Variants in QSOX2 observed in about 807,000 individuals in gnomAD.
QSOX2 encodes sulfhydryl oxidase 2.
QSOX2 carries 46 observed loss-of-function variants against 61.7 expected under a neutral mutation model. The observed-to-expected ratio is 0.75, with a 90% CI of 0.59 to 0.95. The LOEUF (loss-of-function observed/expected upper bound fraction) is 0.95, where lower values mean the gene tolerates loss of function less well. QSOX2 is among the 40% of genes least tolerant of loss of function. The pLI is 0.00. For missense variants in QSOX2, 879 were observed against 918.9 expected, an observed-to-expected ratio of 0.96 and a Z score of 0.56; for synonymous variants, 383 against 388.4, an observed-to-expected ratio of 0.99 and a Z score of 0.16.
chr9:136,220,935 T>C (rs950962885), intron 6 of QSOX2, among the ~76,000 whole-genome samples: 1 of 152,222 alleles, frequency 6.6e-6, no homozygotes, highest in Non-Finnish European at 1.5e-5. Flanking sequence ...CTGGAACTCC[T>C]AGACTCAAAT....
chr9:136,216,220 C>T (rs1831910911), intron 9 of QSOX2, among the ~76,000 whole-genome samples: 2 of 152,232 alleles, frequency 1.3e-5, no homozygotes, highest in South Asian at 4.1e-4. Context: ...CAAAGACTGG[C>T]ACCTGCTGGC....
chr9:136,220,659 C>T (rs1831970052), intron 6 of QSOX2, among the ~76,000 whole-genome samples: 3 of 152,200 alleles, frequency 2.0e-5, no homozygotes, highest in Non-Finnish European at 4.4e-5. Flanking sequence ...TGAGGAGGAG[C>T]GGGGCCCCTC....
chr9:136,233,955 C>T (rs181425686), intron 1 of QSOX2, among the ~76,000 whole-genome samples: 2 of 152,368 alleles, frequency 1.3e-5, no homozygotes, highest in Admixed American at 6.5e-5. Context: ...GAAGGCACAA[C>T]GTACCTCCAT....
chr9:136,224,414 C>T (rs1830259942), intron 3 of QSOX2, among the ~76,000 whole-genome samples: 1 of 152,146 alleles, frequency 6.6e-6, no homozygotes, highest in Non-Finnish European at 1.5e-5. Context: ...GGCGGCTCCA[C>T]TGGGTCACTC....
In QSOX2 at chr9:136,209,510, A is replaced by G; in HGVS notation, c.1550-235T>C. ...CGTGTTCCCCTCTGCCGGTTCCCAT[A>G]GCCTGCAAGTGAGGAGACGCTACAC... is the stretch of plus-strand genomic sequence containing the variant. On this transcript the variant is annotated intron_variant, in intron 11 of 11. Coordinates refer to ENST00000358701, the MANE Select transcript of QSOX2 (RefSeq NM_181701.4). The surrounding 1 kb of genome is among the most constrained non-coding windows in gnomAD (Gnocchi z 5.6). The G allele has an allele frequency of 1.0e-6, 1 of 985,288 alleles. No individual in the cohort carries two copies. 61.0% of individuals were successfully genotyped at this position (985,288 alleles called of 1,614,324 possible). A position where few individuals can be genotyped will look rare whatever the true frequency, so the allele number is the denominator to read the frequency against.
intron 1 of QSOX2, among the ~76,000 whole-genome samples, chr9:136,244,611 C>T (rs1049619620): frequency 2.0e-5 from 3 of 152,188 alleles, no homozygotes; most frequent in Non-Finnish European, 4.4e-5. Context: ...GGAGGACCTC[C>T]TACTTCAGTG....
chr9:136,220,309 G>A lies in QSOX2; in HGVS notation c.822-1145C>T, dbSNP rs980818885. 2.0e-5 allele frequency among the ~76,000 whole-genome samples: 3 copies of A among 152,250 alleles called. No homozygotes were observed. In the South Asian group the frequency reaches 6.2e-4, roughly 31 times the overall value. On this transcript the variant is annotated intron_variant, in intron 6 of 11. Coordinates refer to ENST00000358701, the MANE Select transcript of QSOX2 (RefSeq NM_181701.4). ...CTCTGAAAGTGCTGGGATTACAGGT[G>A]TGAGCCTGGCCTCTTTTTCAAAAGG...
chr9:136,239,403 C>T (rs984956045), intron 1 of QSOX2, among the ~76,000 whole-genome samples: 1 of 152,182 alleles, frequency 6.6e-6, no homozygotes, highest in African/African-American at 2.4e-5. Context: ...TCCAAAGTAC[C>T]GGGATTACAG....
chr9:136,212,047 C>T (rs996215936), intron 10 of QSOX2, among the ~76,000 whole-genome samples: 16 of 152,252 alleles, frequency 1.1e-4, no homozygotes, highest in Admixed American at 1.0e-3. Context: ...TGGGCAGGCA[C>T]AGGGACGGGT....
chr9:136,235,517 G>A (rs184526443), intron 1 of QSOX2, among the ~76,000 whole-genome samples: 22 of 152,346 alleles, frequency 1.4e-4, no homozygotes, highest in Non-Finnish European at 2.2e-4. Flanking sequence ...GGCTCGGGCC[G>A]GTTCACAAGA....
chr9:136,242,460 G>A (rs1242155157), intron 1 of QSOX2, among the ~76,000 whole-genome samples: 2 of 152,262 alleles, frequency 1.3e-5, no homozygotes, highest in African/African-American at 2.4e-5. Context: ...CATGGCCTGT[G>A]TGCCCCCAGG....
At chr9:136,216,013 G>C (rs540623070) in intron 9 of QSOX2, among the ~76,000 whole-genome samples, 16 of 152,180 alleles carry the variant, frequency 1.1e-4, no homozygotes, top group Admixed American at 2.6e-4. Context: ...GCAAAATCAC[G>C]GCACGACAAG....
At chr9:136,211,189 G>C in intron 11 of QSOX2, 75 bp downstream of exon 11, 1 of 1,481,030 alleles carries the variant, frequency 6.8e-7, no homozygotes. Flanking sequence ...CACGGCAGCC[G>C]TGCCGTCCTT....
chr9:136,228,515 C>A (rs1830303021), intron 1 of QSOX2, among the ~76,000 whole-genome samples: 1 of 152,238 alleles, frequency 6.6e-6, no homozygotes, highest in African/African-American at 2.4e-5. Context: ...CTGTAGGGGT[C>A]CTTCCAGGCC....
chr9:136,237,560 G>GTCCTGTGCCACACCTGGAGCCCA (rs1830398034), intron 1 of QSOX2, among the ~76,000 whole-genome samples: 1 of 126,692 alleles, frequency 7.9e-6, no homozygotes, highest in Admixed American at 8.1e-5. Context: ...CCTGGAGCCC[G>GTCCTGTGCCACACCTGGAGCCCA]TCCTGTGGCG....
chr9:136,210,150 G>C (rs1831828047), intron 11 of QSOX2: 10 of 985,486 alleles, frequency 1.0e-5, no homozygotes, highest in Non-Finnish European at 1.1e-5. Context: ...GACAAGCACA[G>C]ACCAGTGGCA....
intron 2 of QSOX2, among the ~76,000 whole-genome samples, 165 bp downstream of exon 2, chr9:136,226,609 T>C (rs537668761): frequency 2.0e-5 from 3 of 152,118 alleles, no homozygotes; most frequent in African/African-American, 7.2e-5. Flanking sequence ...CCACCAAACA[T>C]CAGCTCCTAC....
In QSOX2 at chr9:136,223,734, GAC is replaced by G. The variant is rs767346068; in HGVS notation, c.675+27_675+28del. ...CGCCAACCCCAATCACACCACGTGT[GAC>G]ACCTGGAGCCCACGCAGAGGCCGTA... On this transcript the variant is annotated intron_variant, in intron 5 of 11. Coordinates refer to ENST00000358701, the MANE Select transcript of QSOX2 (RefSeq NM_181701.4). This position sits in a 1 kb window ranked among gnomAD's most constrained non-coding sequence, Gnocchi z 4.4. 7 of 1,585,344 alleles carry G rather than the reference GAC, an allele frequency of 4.4e-6. No homozygotes were observed. The South Asian group carries it at 7.8e-5, about 18-fold the overall frequency.
intron 10 of QSOX2, among the ~76,000 whole-genome samples, chr9:136,214,215 A>C (rs1831882269): frequency 6.6e-6 from 1 of 152,134 alleles, no homozygotes; most frequent in Non-Finnish European, 1.5e-5. Flanking sequence ...AGGACAGAAA[A>C]TTTGTTTTTA....
Sources: allele counts gnomAD v4.1 joint callset (sites outside exome capture counted in the v4.1 genomes callset), GRCh38; gene constraint gnomAD v4.1.1; non-coding constraint Gnocchi (gnomAD v3.1); transcripts MANE v1.5; gene names NCBI Gene and HGNC (gene_info 2026-07-23, HGNC 2026-07-21).